The following CWF19L1 variants were observed in gnomAD, a reference collection of about 807,000 sequenced individuals.
CWF19L1 encodes CWF19-like protein 1.
A neutral mutation model predicts 69.7 loss-of-function variants in CWF19L1; 60 were observed. The ratio of observed to expected loss-of-function variants is 0.86; its 90% CI spans 0.70 to 1.07. The LOEUF is 1.07. Among genes scored for constraint, CWF19L1 ranks in the 50% least tolerant of loss-of-function variants. CWF19L1 has a pLI of 0.00. For synonymous variants in CWF19L1, 209 were observed against 222.2 expected, an observed-to-expected ratio of 0.94 and a Z score of 0.53; for missense variants, 591 against 638.9, an observed-to-expected ratio of 0.92 and a Z score of 0.81.
intron 10 of CWF19L1, among the ~76,000 whole-genome samples, chr10:100,238,445 A>T (rs1388984644): frequency 6.6e-6 from 1 of 152,226 alleles, no homozygotes; most frequent in African/African-American, 2.4e-5. Flanking sequence ...GAAAATTTCT[A>T]TGCAAGTAGC....
intron 6 of CWF19L1, among the ~76,000 whole-genome samples, chr10:100,250,790 A>T (rs573910349): frequency 1.9e-4 from 29 of 152,024 alleles, no homozygotes; most frequent in African/African-American, 5.5e-4. Flanking sequence ...TACAAAAAAA[A>T]TTTTTTAATT....
chr10:100,259,983 G>A (rs1370134766), intron 4 of CWF19L1, among the ~76,000 whole-genome samples: 1 of 152,042 alleles, frequency 6.6e-6, no homozygotes, highest in Non-Finnish European at 1.5e-5. Context: ...TGACTAACAC[G>A]GTGAAACCCT....
At chr10:100,249,031 TC>T in intron 7 of CWF19L1, 1 of 598,962 alleles carries the variant, frequency 1.7e-6, no homozygotes. Flanking sequence ...GAACATCAGC[TC>T]CCTGCCAGCG....
intron 7 of CWF19L1, chr10:100,248,223 A>G (rs1846895052): frequency 2.6e-6 from 2 of 766,398 alleles, no homozygotes; most frequent in East Asian, 5.2e-5. Context: ...TGGAGGTCAG[A>G]GTGGAAGCAG....
intron 2 of CWF19L1, among the ~76,000 whole-genome samples, chr10:100,261,537 C>T (rs1473668850): frequency 6.6e-6 from 1 of 152,220 alleles, no homozygotes; most frequent in Non-Finnish European, 1.5e-5. Flanking sequence ...TATCCTCATA[C>T]CTGGAATACT....
Position 100,233,212 on chromosome 10 carries a change from G to GAA in CWF19L1, c.*14_*15insTT. ...CTACTTCCTGTGGAGTTCATAAAAA[G>GAA]TTCTTCCCTTTGTTTTAGTCATCCA... is the stretch of plus-strand genomic sequence containing the variant. On this transcript the variant is annotated 3_prime_UTR_variant, in exon 14 of 14. Coordinates refer to ENST00000354105, the MANE Select transcript of CWF19L1 (RefSeq NM_018294.6). The GAA allele has an allele frequency of 6.3e-7, 1 of 1,579,836 alleles. No homozygotes were observed. The highest frequency in any genetic ancestry group is 8.6e-7 in the Non-Finnish European group (1 of 1,163,122).
intron 10 of CWF19L1, among the ~76,000 whole-genome samples, chr10:100,241,770 T>C (rs1485656483): frequency 2.6e-5 from 4 of 152,278 alleles, no homozygotes; most frequent in South Asian, 2.1e-4. Flanking sequence ...GAACTCACTT[T>C]AACAAAGCCA....
At position 100,233,158 on chromosome 10, in the gene CWF19L1, C is replaced by A. The variant is rs1467286167; in HGVS notation, c.*69G>T. 3 of 1,453,116 alleles carry A rather than the reference C, an allele frequency of 2.1e-6. No individual in the cohort carries two copies. The highest frequency in any genetic ancestry group is 1.8e-6 in the Non-Finnish European group (2 of 1,087,310). The allele number at this position is 1,453,116 out of a possible 1,614,324, so 90.0% of individuals were successfully genotyped here. A position where few individuals can be genotyped will look rare whatever the true frequency, so the allele number is the denominator to read the frequency against. On this transcript the variant is annotated 3_prime_UTR_variant, in exon 14 of 14. Coordinates refer to ENST00000354105, the MANE Select transcript of CWF19L1 (RefSeq NM_018294.6). ...GCGAGACTTTGTCTCAAAAAAAATT[C>A]TTTTAATTAAAAAAAAAAAAAAGCT... is the stretch of plus-strand genomic sequence containing the variant.
intron 12 of CWF19L1, among the ~76,000 whole-genome samples, chr10:100,236,445 AGCTCAACATGTCAAAAACCTTAG>A (rs1413377598): frequency 1.3e-5 from 2 of 152,048 alleles, no homozygotes; most frequent in African/African-American, 2.4e-5. Context: ...ATGCCTTGAT[AGCTCAACATGTCAAAAACCTTAG>A]GCTCAACATG....
In CWF19L1 at chr10:100,236,920, G is replaced by C. The variant is rs992946074; in HGVS notation, c.1304C>G (p.Ala435Gly). Reference protein sequence around the residue: ...SCSTTDDIKDAFITQAQEQQI... With the variant: ...SCSTTDDIKDGFITQAQEQQI... ...CTGCTCCTGTGCCTGGGTAATGAAGGCATCTTTAATGTCATCAGTAGTAGA... is the reference window on the plus strand; with the variant it reads ...CTGCTCCTGTGCCTGGGTAATGAAGCCATCTTTAATGTCATCAGTAGTAGA... The change falls in exon 12 of 14, where the codon GCC becomes GGC. Residue 435 changes from alanine (A) to glycine (G), a missense_variant. Transcript: ENST00000354105. The C allele has an allele frequency of 2.5e-6, 4 of 1,611,794 alleles. No homozygotes were observed. The highest frequency in any genetic ancestry group is 2.2e-5 in the East Asian group (1 of 44,842).
intron 1 of CWF19L1, among the ~76,000 whole-genome samples, chr10:100,267,147 C>CAA (rs56827592): frequency 0.013 from 402 of 30,788 alleles, 11 homozygotes; most frequent in African/African-American, 0.033. Context: ...CTCCTCCTCG[C>CAA]AAAAAAAAAA....
At chr10:100,264,715 A>C (rs1847515273) in intron 1 of CWF19L1, among the ~76,000 whole-genome samples, 1 of 151,962 alleles carries the variant, frequency 6.6e-6, no homozygotes, top group African/African-American at 2.4e-5. Context: ...CATGCATGTT[A>C]TTACTACTGA....
chr10:100,241,455 T>C (rs1028220966), intron 10 of CWF19L1, among the ~76,000 whole-genome samples: 3 of 152,174 alleles, frequency 2.0e-5, no homozygotes, highest in African/African-American at 7.2e-5. Context: ...GGTCCTCAGA[T>C]TGTTAGGATA....
intron 1 of CWF19L1, 108 bp downstream of exon 1, chr10:100,267,463 C>T (rs1847639810): frequency 1.2e-6 from 2 of 1,604,860 alleles, no homozygotes; most frequent in South Asian, 1.1e-5. Context: ...CCGTGTCTCT[C>T]CGCCTTTTCC....
intron 6 of CWF19L1, 34 bp from the exon 7 acceptor site, chr10:100,250,366 C>T: frequency 7.2e-7 from 1 of 1,394,310 alleles, no homozygotes; most frequent in Non-Finnish European, 1.0e-6. Context: ...AAATTGCAAA[C>T]AATTTTACTT....
At chr10:100,243,225 C>T (rs1037750206) in intron 10 of CWF19L1, among the ~76,000 whole-genome samples, 11 of 152,092 alleles carry the variant, frequency 7.2e-5, no homozygotes, top group African/African-American at 2.7e-4. Flanking sequence ...ACAACCCAAA[C>T]GTCCATCAGC....
At position 100,246,934 on chromosome 10, in the gene CWF19L1, T is replaced by C. The variant is rs1489971625; in HGVS notation, c.710A>G (p.Tyr237Cys). ...ANVGNPEKKK[Y>C]LYAFSIVPMK... The stretch of plus-strand genomic sequence containing the variant: ...GGGAACAATACTGAACGCGTAAAGA[T>C]ACTTTAGAGAAAAAGAACATAATGA... Residue 237 changes from tyrosine to cysteine, a missense_variant and splice_region_variant, in exon 8 of 14, where the codon TAT becomes TGT. Tyr to Cys is a radical substitution (Grantham distance 194). Transcript: ENST00000354105. 5.0e-6 allele frequency: 8 copies of C among 1,601,226 alleles called. No individual in the cohort carries two copies. Among genetic ancestry groups the C allele is most frequent in the Non-Finnish European group, 6.8e-6 (8 of 1,171,432 alleles).
intron 6 of CWF19L1, among the ~76,000 whole-genome samples, chr10:100,252,307 C>T (rs1847063540): frequency 6.6e-6 from 1 of 151,950 alleles, no homozygotes; most frequent in Admixed American, 6.6e-5. Context: ...TGGTGGCGGT[C>T]GCCTGTAGTC....
chr10:100,260,305 AT>A lies in CWF19L1; in HGVS notation c.201del (p.Tyr68MetfsTer11). The A allele has an allele frequency of 6.2e-7, 1 of 1,604,738 alleles. No homozygotes were observed. The highest frequency in any genetic ancestry group is 8.5e-7 in the Non-Finnish European group (1 of 1,172,078). Reference protein sequence around the residue: ...KTGIKKAPIQTYVLGANNQET... With the variant: ...KTGIKKAPIQXYVLGANNQET... ...TCCTGGTTATTAGCACCAAGCACAT[AT>A]GTCTGAATAGGAGCTAGTGAGGGAA... is the stretch of plus-strand genomic sequence containing the variant. On this transcript the variant is annotated frameshift_variant, in exon 4 of 14. Transcript: ENST00000354105. LOFTEE classifies it high-confidence loss of function.
Sources: gnomAD v4.1 joint callset for allele counts (sites outside exome capture counted in the v4.1 genomes callset) on GRCh38, gnomAD v4.1.1 for gene constraint, MANE v1.5 for transcripts, NCBI Gene and HGNC (gene_info 2026-07-23, HGNC 2026-07-21) for gene names.